PITPNC1: variants seen among roughly 807,000 people sequenced by gnomAD.
PITPNC1 encodes the protein cytoplasmic phosphatidylinositol transfer protein 1.
Under a neutral mutation model 44.7 loss-of-function variants are expected in PITPNC1, and 18 were observed. The ratio of observed to expected loss-of-function variants is 0.40; its 90% confidence interval spans 0.28 to 0.60. PITPNC1 has a LOEUF of 0.60. Among genes scored for constraint, PITPNC1 ranks in the 20% least tolerant of loss-of-function variants. The pLI, the probability that PITPNC1 is intolerant of heterozygous loss-of-function variation, is 0.39. For synonymous variants in PITPNC1, 141 were observed against 149.6 expected, an observed-to-expected ratio of 0.94 and a Z score of 0.42; for missense variants, 290 against 418.4, an observed-to-expected ratio of 0.69 and a Z score of 2.68.
intron 7 of PITPNC1, among the ~76,000 whole-genome samples, chr17:67,671,356 T>C (rs889629964): frequency 2.6e-5 from 4 of 152,224 alleles, no homozygotes; most frequent in African/African-American, 9.6e-5. Flanking sequence ...AAATTGTCTC[T>C]ACATTCCAGA....
chr17:67,481,473 C>T (rs1159559693), intron 1 of PITPNC1, among the ~76,000 whole-genome samples: 2 of 152,214 alleles, frequency 1.3e-5, no homozygotes, highest in Admixed American at 1.3e-4. Flanking sequence ...TTTGCTGGGA[C>T]AGCTTTCGGT....
Position 67,437,930 on chromosome 17 carries a change from G to C in PITPNC1, c.48+59728G>C, listed in dbSNP as rs546646148. ...TAAAAATTACAAAATTTAGCTGGGC[G>C]TGGTGGCACACATCTGTAATCCCAG... On this transcript the variant is annotated intron_variant, in intron 1 of 8. Coordinates refer to ENST00000581322, the MANE Select transcript of PITPNC1 (RefSeq NM_012417.4). Among the ~76,000 whole-genome samples, 10 of 152,054 alleles carry C rather than the reference G, an allele frequency of 6.6e-5. 1 individual carries two copies. Among genetic ancestry groups the C allele is most frequent in the Admixed American group, 5.2e-4 (8 of 15,262 alleles).
intron 1 of PITPNC1, among the ~76,000 whole-genome samples, chr17:67,441,074 A>G (rs2039005762): frequency 6.6e-6 from 1 of 152,146 alleles, no homozygotes; most frequent in South Asian, 2.1e-4. Flanking sequence ...TACAGGACAT[A>G]TCAGAGTATA....
chr17:67,640,033 C>T (rs893128995), intron 6 of PITPNC1, among the ~76,000 whole-genome samples: 1 of 152,072 alleles, frequency 6.6e-6, no homozygotes, highest in Non-Finnish European at 1.5e-5. Context: ...ACAGCTGCCT[C>T]ATGCCGGGGT....
At chr17:67,662,738 C>T (rs1295501197) in intron 6 of PITPNC1, among the ~76,000 whole-genome samples, 1 of 152,092 alleles carries the variant, frequency 6.6e-6, no homozygotes, top group Non-Finnish European at 1.5e-5. Flanking sequence ...TGAAGCTCAT[C>T]TGTGTTGGTG....
intron 2 of PITPNC1, among the ~76,000 whole-genome samples, chr17:67,534,223 C>T (rs1027494877): frequency 7.2e-5 from 11 of 152,052 alleles, no homozygotes; most frequent in East Asian, 1.9e-4. Flanking sequence ...CTATGAATGG[C>T]GTAATGGATT....
chr17:67,381,531 A>G (rs2037960150), intron 1 of PITPNC1, among the ~76,000 whole-genome samples: 1 of 149,188 alleles, frequency 6.7e-6, no homozygotes, highest in Non-Finnish European at 1.5e-5. Context: ...CAGTGGTGCA[A>G]TCTCAGCTCA....
At chr17:67,442,833 C>T (rs142307611) in intron 1 of PITPNC1, among the ~76,000 whole-genome samples, 45 of 151,852 alleles carry the variant, frequency 3.0e-4, no homozygotes, top group Non-Finnish European at 3.5e-4. Context: ...ACAGCCTGGG[C>T]AACAGAGCAA....
chr17:67,617,648 G>A (rs2041777239), intron 5 of PITPNC1, among the ~76,000 whole-genome samples: 1 of 152,214 alleles, frequency 6.6e-6, no homozygotes, highest in Non-Finnish European at 1.5e-5. Flanking sequence ...GTCAAGGTCA[G>A]GCTCTTGGGG....
At position 67,657,160 on chromosome 17, in the gene PITPNC1, T is replaced by TTTTTGTTTTG. The variant is rs3028849; in HGVS notation, c.463-12323_463-12314dup. 1.0e-3 allele frequency among the ~76,000 whole-genome samples: 153 copies of TTTTTGTTTTG among 150,838 alleles called. 2 individuals are homozygous for TTTTTGTTTTG. The East Asian group carries it at 0.019, about 19-fold the overall frequency. On this transcript the variant is annotated intron_variant, in intron 6 of 8. Transcript: ENST00000581322. ...TCCCTTCCCCTCCCCACCCCCGTTT[T>TTTTTGTTTTG]TTTTGTTTTGTTTTGTTTTGTTTTG...
At chr17:67,594,698 A>G (rs371991712) in intron 5 of PITPNC1, among the ~76,000 whole-genome samples, 30 of 152,150 alleles carry the variant, frequency 2.0e-4, no homozygotes, top group African/African-American at 5.8e-4. Context: ...CCAGTTAATC[A>G]TCAACAGAAC....
intron 6 of PITPNC1, among the ~76,000 whole-genome samples, chr17:67,651,511 T>TA (rs111609887): frequency 3.6e-4 from 53 of 148,582 alleles, no homozygotes; most frequent in African/African-American, 8.3e-4. Context: ...AGACTCCGTC[T>TA]AAAAAAAAAA....
intron 1 of PITPNC1, among the ~76,000 whole-genome samples, chr17:67,419,305 A>C (rs991016863): frequency 2.0e-5 from 3 of 152,188 alleles, no homozygotes; most frequent in Admixed American, 1.3e-4. Context: ...GTTCCACCAC[A>C]CTGGCACAGA....
intron 8 of PITPNC1, among the ~76,000 whole-genome samples, chr17:67,690,191 TA>T (rs2042894490): frequency 6.6e-6 from 1 of 152,186 alleles, no homozygotes; most frequent in Admixed American, 6.5e-5. Flanking sequence ...CTCATGCCTA[TA>T]ATCCCAGCAC....
chr17:67,606,268 A>G (rs1400237403), intron 5 of PITPNC1, among the ~76,000 whole-genome samples: 1 of 152,252 alleles, frequency 6.6e-6, no homozygotes, highest in Admixed American at 6.5e-5. Context: ...GGGAAAAGAC[A>G]GAAGTATTTT....
At chr17:67,670,727 G>A (rs1389680387) in intron 7 of PITPNC1, among the ~76,000 whole-genome samples, 10 of 142,658 alleles carry the variant, frequency 7.0e-5, no homozygotes, top group Non-Finnish European at 9.0e-5. Context: ...CTCCAGCCTG[G>A]GTGACAGAGC....
chr17:67,379,455 G>C (rs1477600700), intron 1 of PITPNC1: 1 of 758,568 alleles, frequency 1.3e-6, no homozygotes, highest in African/African-American at 1.9e-5. Context: ...AACGCATCAC[G>C]GGGACACAGG....
At chr17:67,387,751 C>T (rs754635826) in intron 1 of PITPNC1, among the ~76,000 whole-genome samples, 14 of 152,158 alleles carry the variant, frequency 9.2e-5, no homozygotes, top group Non-Finnish European at 1.8e-4. Flanking sequence ...CCTGTTTATT[C>T]CTTCAGAGCA....
intron 1 of PITPNC1, among the ~76,000 whole-genome samples, chr17:67,480,505 G>A (rs1370442353): frequency 6.6e-6 from 1 of 152,074 alleles, no homozygotes; most frequent in African/African-American, 2.4e-5. Context: ...TCCAAGCAGT[G>A]AAATATTATA....
Sources: gnomAD v4.1 joint callset for allele counts (sites outside exome capture counted in the v4.1 genomes callset) on GRCh38, gnomAD v4.1.1 for gene constraint, MANE v1.5 for transcripts, NCBI Gene and HGNC (gene_info 2026-07-23, HGNC 2026-07-21) for gene names.